Variants in KCNIP4 observed in about 807,000 individuals in gnomAD.
KCNIP4 encodes Kv channel-interacting protein 4.
A neutral mutation model predicts 34.0 loss-of-function variants in KCNIP4; 12 were observed. That is an observed-to-expected ratio of 0.35 (90% CI 0.23 to 0.57). The LOEUF is 0.57. Among genes scored for constraint, KCNIP4 ranks in the 20% least tolerant of loss-of-function variants. The pLI, the probability that KCNIP4 is intolerant of heterozygous loss-of-function variation, is 0.83. For synonymous variants in KCNIP4, 124 were observed against 102.2 expected (o/e 1.21, Z -1.29); for missense variants, 238 against 311.7 (o/e 0.76, Z 1.78).
intron 1 of KCNIP4, among the ~76,000 whole-genome samples, chr4:21,082,174 A>G (rs899528368): frequency 3.3e-5 from 5 of 151,760 alleles, no homozygotes; most frequent in Non-Finnish European, 5.9e-5. Context: ...AATAAATATA[A>G]TGATTTTTTC....
intron 1 of KCNIP4, among the ~76,000 whole-genome samples, chr4:21,602,858 A>G (rs1743308450): frequency 1.3e-5 from 2 of 152,290 alleles, no homozygotes; most frequent in South Asian, 2.1e-4. Flanking sequence ...AATTAAAGAA[A>G]TAAAGATTCT....
intron 1 of KCNIP4, among the ~76,000 whole-genome samples, chr4:21,364,042 T>A (rs936286631): frequency 6.6e-6 from 1 of 152,162 alleles, no homozygotes; most frequent in African/African-American, 2.4e-5. Context: ...CTTATCTTTA[T>A]TCTAAGAAAA....
At chr4:20,921,493 GATTA>G (rs72247300) in intron 1 of KCNIP4, among the ~76,000 whole-genome samples, 56,808 of 151,718 alleles carry the variant, frequency 0.37, 10,812 homozygotes, top group Middle Eastern at 0.43. Context: ...GGTCACATGG[GATTA>G]ATTGTCAGAT....
intron 1 of KCNIP4, among the ~76,000 whole-genome samples, chr4:21,572,635 T>G (rs375188887): frequency 1.4e-5 from 2 of 143,322 alleles, no homozygotes; most frequent in African/African-American, 5.4e-5. Context: ...TCTCTCATCT[T>G]TTTTTTTTTT....
intron 1 of KCNIP4, among the ~76,000 whole-genome samples, chr4:21,786,141 G>T (rs888337951): frequency 1.1e-4 from 17 of 152,188 alleles, no homozygotes; most frequent in African/African-American, 4.1e-4. Flanking sequence ...TAGAGATGGG[G>T]TTTCACCATA....
intron 1 of KCNIP4, among the ~76,000 whole-genome samples, chr4:21,938,392 A>T (rs768298377): frequency 6.6e-6 from 1 of 152,168 alleles, no homozygotes; most frequent in South Asian, 2.1e-4. Context: ...TTGGGAAATG[A>T]TGTTCAGTAT....
chr4:20,866,944 C>G (rs1172077148), intron 2 of KCNIP4, among the ~76,000 whole-genome samples: 1 of 151,872 alleles, frequency 6.6e-6, no homozygotes, highest in Admixed American at 6.6e-5. Context: ...AGGGATATAG[C>G]TCACCCAGGA....
chr4:21,129,080 G>A (rs889889311), intron 1 of KCNIP4, among the ~76,000 whole-genome samples: 1 of 152,110 alleles, frequency 6.6e-6, no homozygotes, highest in South Asian at 2.1e-4. Context: ...ACTGAATCAC[G>A]GCGGCGGTTC....
intron 1 of KCNIP4, among the ~76,000 whole-genome samples, chr4:21,147,537 T>A (rs1752446086): frequency 1.3e-5 from 2 of 152,182 alleles, no homozygotes; most frequent in South Asian, 4.1e-4. Context: ...TAATTTATTA[T>A]TTTTCTTTAT....
At chr4:20,885,570 G>A (rs996049993) in intron 1 of KCNIP4, among the ~76,000 whole-genome samples, 2 of 151,840 alleles carry the variant, frequency 1.3e-5, no homozygotes, top group African/African-American at 4.8e-5. Flanking sequence ...CTTATTTGAG[G>A]AATAATAAAA....
chr4:21,520,908 G>A (rs929116297), intron 1 of KCNIP4, among the ~76,000 whole-genome samples: 3 of 152,024 alleles, frequency 2.0e-5, no homozygotes, highest in East Asian at 1.9e-4. Flanking sequence ...TAAAGATACC[G>A]GAGCATTCTT....
intron 3 of KCNIP4, among the ~76,000 whole-genome samples, chr4:20,779,912 T>C (rs1018839922): frequency 6.6e-6 from 1 of 152,192 alleles, no homozygotes; most frequent in Non-Finnish European, 1.5e-5. Flanking sequence ...CACCTTGATT[T>C]TGGCTCAGTG....
At chr4:21,884,555 C>G (rs777279380) in intron 1 of KCNIP4, among the ~76,000 whole-genome samples, 3 of 151,830 alleles carry the variant, frequency 2.0e-5, no homozygotes, top group Non-Finnish European at 4.4e-5. Flanking sequence ...AATGGAGCTA[C>G]CATTGAGGGC....
intron 5 of KCNIP4, among the ~76,000 whole-genome samples, chr4:20,743,795 C>A (rs1046650600): frequency 6.6e-6 from 1 of 152,092 alleles, no homozygotes; most frequent in African/African-American, 2.4e-5. Context: ...TAAGGAACTT[C>A]TGCACAGCAA....
chr4:20,870,245 CTTG>C (rs756368030), intron 2 of KCNIP4, among the ~76,000 whole-genome samples: 3 of 151,906 alleles, frequency 2.0e-5, no homozygotes, highest in Non-Finnish European at 4.4e-5. Context: ...GGATTTCTTC[CTTG>C]TTGTTCTTGT....
intron 5 of KCNIP4, among the ~76,000 whole-genome samples, chr4:20,738,906 A>G (rs1489037570): frequency 6.6e-6 from 1 of 152,190 alleles, no homozygotes; most frequent in Non-Finnish European, 1.5e-5. Context: ...GTGCTTTTCC[A>G]ACAGTCTTAG....
intron 1 of KCNIP4, among the ~76,000 whole-genome samples, chr4:20,968,249 A>G (rs894880485): frequency 6.6e-6 from 1 of 152,202 alleles, no homozygotes; most frequent in Admixed American, 6.5e-5. Context: ...ACCAGTTAGA[A>G]TGGTGATCAT....
chr4:20,987,948 C>T (rs1490880306), intron 1 of KCNIP4, among the ~76,000 whole-genome samples: 1 of 141,840 alleles, frequency 7.1e-6, no homozygotes, highest in African/African-American at 2.7e-5. Flanking sequence ...TTGCAGTGAG[C>T]CGAGATCGCA....
intron 1 of KCNIP4, chr4:21,843,373 G>C (rs1723805289): frequency 6.6e-6 from 1 of 151,960 alleles, no homozygotes; most frequent in Non-Finnish European, 1.5e-5. Context: ...AGATAATACA[G>C]TTTGATGGGG....
Sources: gnomAD v4.1 joint callset for allele counts (sites outside exome capture counted in the v4.1 genomes callset) on GRCh38, gnomAD v4.1.1 for gene constraint, MANE v1.5 for transcripts, NCBI Gene and HGNC (gene_info 2026-07-23, HGNC 2026-07-21) for gene names.